The following SP140 variants were observed in gnomAD, a reference collection of about 807,000 sequenced individuals.
The protein encoded by SP140 is nuclear body protein SP140.
SP140 carries 81 observed loss-of-function variants against 125.0 expected under a neutral mutation model. The observed-to-expected ratio is 0.65, with a 90% CI of 0.54 to 0.78. The LOEUF (loss-of-function observed/expected upper bound fraction) is 0.78, where lower values mean the gene tolerates loss of function less well. SP140 is among the 30% of genes least tolerant of loss of function. The pLI, the probability that SP140 is intolerant of heterozygous loss-of-function variation, is 0.00. For missense variants in SP140, 858 were observed against 1,037.0 expected (o/e 0.83, Z 2.37); for synonymous variants, 312 against 354.0 (o/e 0.88, Z 1.33).
chr2:230,312,442 G>A, intron 26 of SP140, 144 bp from the exon 27 acceptor site: 4 of 547,628 alleles, frequency 7.3e-6, no homozygotes, highest in Non-Finnish European at 1.3e-5. Context: ...ACATTACTTT[G>A]TACTCCAAAA....
At chr2:230,261,277 G>A (rs1426303241) in intron 12 of SP140, among the ~76,000 whole-genome samples, 1 of 152,082 alleles carries the variant, frequency 6.6e-6, no homozygotes, top group Non-Finnish European at 1.5e-5. Flanking sequence ...ATATAGAAAA[G>A]CTACTGATTT....
chr2:230,261,251 C>T (rs927593225), intron 12 of SP140, among the ~76,000 whole-genome samples: 1 of 152,038 alleles, frequency 6.6e-6, no homozygotes, highest in African/African-American at 2.4e-5. Flanking sequence ...TGATTCTCTG[C>T]TTGGTCACTG....
At chr2:230,284,483 C>A in intron 16 of SP140, 72 bp downstream of exon 16, 1 of 1,315,454 alleles carries the variant, frequency 7.6e-7, no homozygotes. Flanking sequence ...TCTGGAAGGC[C>A]TGCAGTTCCC....
At chr2:230,245,583 G>A (rs1055500597) in intron 6 of SP140, among the ~76,000 whole-genome samples, 1 of 152,182 alleles carries the variant, frequency 6.6e-6, no homozygotes, top group Non-Finnish European at 1.5e-5. Context: ...AGAAGTCAGG[G>A]AGAGGAAGTC....
At chr2:230,280,126 A>G (rs938451393) in intron 15 of SP140, among the ~76,000 whole-genome samples, 3 of 152,140 alleles carry the variant, frequency 2.0e-5, no homozygotes, top group African/African-American at 7.2e-5. Flanking sequence ...TTTGCATACA[A>G]ATGTGTTAAA....
rs1574908626 is a variant in SP140 at position 230,233,864 on chromosome 2, TG to T, written c.60-3218del. On this transcript the variant is annotated intron_variant, in intron 1 of 26. Coordinates refer to ENST00000392045, the MANE Select transcript of SP140 (RefSeq NM_007237.5). The stretch of plus-strand genomic sequence containing the variant: ...CCATTTAGCCTCTGAAAAATTTCAT[TG>T]TATATTCATGAGAGAATGAGAAAGA... Among the ~76,000 whole-genome samples, 5 of 152,346 alleles carry T rather than the reference TG, an allele frequency of 3.3e-5. No homozygotes were observed. The East Asian group carries it at 9.6e-4, about 29-fold the overall frequency.
intron 15 of SP140, among the ~76,000 whole-genome samples, chr2:230,275,132 AG>A (rs529657330): frequency 5.4e-4 from 82 of 152,272 alleles, no homozygotes; most frequent in African/African-American, 1.9e-3. Flanking sequence ...TTAGGACAAC[AG>A]GAATACTTAT....
the SP140 span, among the ~76,000 whole-genome samples, chr2:230,191,721 C>A: frequency 2.0e-4 from 31 of 152,238 alleles, no homozygotes; most frequent in Non-Finnish European, 3.1e-4. Context: ...GAGCTGGTAC[C>A]ATTACTTCTG....
At chr2:230,311,109 A>T (rs1178836751) in intron 24 of SP140, 45 bp from the exon 25 acceptor site, 1 of 1,609,758 alleles carries the variant, frequency 6.2e-7, no homozygotes, top group Non-Finnish European at 8.5e-7. Flanking sequence ...ATGTGGGCTC[A>T]TTCTCTCCAA....
chr2:230,244,741 A>G (rs2049178353), intron 5 of SP140, among the ~76,000 whole-genome samples: 1 of 152,134 alleles, frequency 6.6e-6, no homozygotes, highest in Non-Finnish European at 1.5e-5. Flanking sequence ...AGTCAAGGAG[A>G]TGGACGGTGC....
chr2:230,292,774 C>T lies in SP140; in HGVS notation c.1954C>T (p.Arg652Ter), dbSNP rs2057277453. Reference sequence around the variant, plus strand: ...TGTGCGCTGTGGCGGGTGGCCCCTACGATGGCTGATGGAGGTATTCCAATG... The same window carrying T: ...TGTGCGCTGTGGCGGGTGGCCCCTATGATGGCTGATGGAGGTATTCCAATG... ...LSVRCGGWPL[R>*]WLMENGFLPD... Residue 652 changes from arginine (R) to a stop codon, truncating the protein, a stop_gained, in exon 20 of 27, where the codon CGA becomes TGA. Coordinates refer to ENST00000392045, the MANE Select transcript of SP140 (RefSeq NM_007237.5). LOFTEE classifies it high-confidence loss of function. The T allele has an allele frequency of 9.9e-6, 16 of 1,613,932 alleles. No individual in the cohort carries two copies. The highest frequency in any genetic ancestry group is 1.7e-5 in the Admixed American group (1 of 60,002).
At chr2:230,248,138 T>C (rs1234903268) in intron 8 of SP140, 73 bp downstream of exon 8, 17 of 1,468,774 alleles carry the variant, frequency 1.2e-5, no homozygotes, top group South Asian at 2.4e-5. Flanking sequence ...GGAGACCAGG[T>C]GGGCAAGGTT....
At chr2:230,241,515 C>T in intron 4 of SP140, 28 bp downstream of exon 4, 1 of 1,355,902 alleles carries the variant, frequency 7.4e-7, no homozygotes. Flanking sequence ...GATCAATGCC[C>T]TTATTAAAGT....
chr2:230,222,695 CAAA>C (rs34703280), upstream of SP140, among the ~76,000 whole-genome samples: 10 of 124,162 alleles, frequency 8.1e-5, no homozygotes, highest in Admixed American at 1.7e-4. Context: ...GACCCTGTCT[CAAA>C]AAAAAAAAAA....
chr2:230,192,753 A>G, the SP140 span, among the ~76,000 whole-genome samples: 2 of 152,178 alleles, frequency 1.3e-5, no homozygotes, highest in Non-Finnish European at 2.9e-5. Context: ...CTATAATTTC[A>G]ATTTATAAAA....
In SP140 at chr2:230,212,889, C is replaced by T. The variant is rs1441204648; in HGVS notation, c.-322-765C>T. ...TCCAGGCTCACTGACTCTTGGCGCA[C>T]AGGGTGAACAGCTTGGTTGAGGGGG... On this transcript the variant is annotated intron_variant, in intron 1 of 4. Coordinates refer to the SP140 transcript ENST00000456542. 6.2e-7 allele frequency: 1 copy of T among 1,614,064 alleles called. No individual in the cohort carries two copies. The highest frequency in any genetic ancestry group is 1.1e-5 in the South Asian group (1 of 91,074).
In SP140 at chr2:230,269,865, G is replaced by C. The variant is rs764935138; in HGVS notation, c.1356G>C (p.Glu452Asp). The C allele has an allele frequency of 4.3e-6, 7 of 1,614,060 alleles. No homozygotes were observed. Among genetic ancestry groups the C allele is most frequent in the Non-Finnish European group, 5.9e-6 (7 of 1,179,924 alleles). Residue 452 changes from glutamate to aspartate, a missense_variant, in exon 14 of 27, where the codon GAG becomes GAC. By Grantham distance (45) the Glu-to-Asp change is conservative (BLOSUM62 2). This residue lies in a region of SP140 where 791 missense variants were observed against 869.5 expected (regional missense o/e 0.91). Transcript: ENST00000392045. ...CGGAGCAATCAGCATATGAAAATGAGAAGTGTTCCTGTGTCATGTGTTTCT... is the reference window on the plus strand; with the variant it reads ...CGGAGCAATCAGCATATGAAAATGACAAGTGTTCCTGTGTCATGTGTTTCT... ...PGAEQSAYEN[E>D]KCSCVMCFSE...
Position 230,285,894 on chromosome 2 carries a change from A to G in SP140, c.1645+62A>G, listed in dbSNP as rs761475540. 7.7e-5 allele frequency: 96 copies of G among 1,251,128 alleles called. No individual in the cohort carries two copies. The Middle Eastern group carries it at 2.4e-3, about 32-fold the overall frequency. The allele number at this position is 1,251,128 out of a possible 1,614,324, so 77.5% of individuals were successfully genotyped here. On this transcript the variant is annotated intron_variant, in intron 17 of 26. Transcript: ENST00000392045. ...AGGTCAATACAAATTTTACTGAGGT[A>G]TTGACGAGCCTAGATCCACCTTAAT...
the SP140 span, among the ~76,000 whole-genome samples, chr2:230,195,939 A>G: frequency 1.3e-5 from 2 of 152,190 alleles, no homozygotes; most frequent in Non-Finnish European, 2.9e-5. Flanking sequence ...AGCAAAAAAT[A>G]TAAGTTAAAA....
Sources: gnomAD v4.1 joint callset for allele counts (sites outside exome capture counted in the v4.1 genomes callset) on GRCh38, gnomAD v4.1.1 for gene constraint, gnomAD v4.1.1 regional missense constraint, MANE v1.5 for transcripts, NCBI Gene and HGNC (gene_info 2026-07-23, HGNC 2026-07-21) for gene names.